The following CTNND2 variants were observed in gnomAD, a reference collection of about 807,000 sequenced individuals.
The protein encoded by CTNND2 is catenin delta 2.
CTNND2 carries 22 observed loss-of-function variants against 144.4 expected under a neutral mutation model. The observed-to-expected ratio is 0.15, with a 90% CI of 0.11 to 0.22. CTNND2 has a LOEUF of 0.22. Among genes scored for constraint, CTNND2 ranks in the 10% least tolerant of loss-of-function variants. CTNND2 has a pLI of 1.00. For synonymous variants in CTNND2, 751 were observed against 695.6 expected, an observed-to-expected ratio of 1.08 and a Z score of -1.25; for missense variants, 1,353 against 1,618.8, an observed-to-expected ratio of 0.84 and a Z score of 2.82.
At position 11,710,290 on chromosome 5, in the gene CTNND2, C is replaced by T. The variant is rs556913360; in HGVS notation, c.174+21846G>A. ...GGGTGCCGTGGCTCACATCTATAAT[C>T]CCAGCACTTTGGGAGGCTGAGGTGG... On this transcript the variant is annotated intron_variant, in intron 2 of 21. Transcript: ENST00000304623. 1.2e-4 allele frequency among the ~76,000 whole-genome samples: 19 copies of T among 152,286 alleles called. No homozygotes were observed. The East Asian group carries it at 3.5e-3, about 28-fold the overall frequency.
chr5:11,314,754 G>A (rs1191434370), intron 9 of CTNND2, among the ~76,000 whole-genome samples: 1 of 152,146 alleles, frequency 6.6e-6, no homozygotes, highest in Non-Finnish European at 1.5e-5. Context: ...CCTCAAAGCT[G>A]AGCAATGAGC....
At chr5:10,992,155 C>T (rs2149499450) in intron 19 of CTNND2, among the ~76,000 whole-genome samples, 1 of 152,262 alleles carries the variant, frequency 6.6e-6, no homozygotes, top group African/African-American at 2.4e-5. Context: ...CGAGCTCAGG[C>T]AATCCGCCTG....
intron 3 of CTNND2, 45 bp downstream of exon 3, chr5:11,564,899 A>T: frequency 7.7e-7 from 1 of 1,304,982 alleles, no homozygotes; most frequent in East Asian, 2.3e-5. Flanking sequence ...ATTTACTTGC[A>T]GGGGCAACTC....
chr5:11,002,817 GT>G (rs1219541804), intron 18 of CTNND2, among the ~76,000 whole-genome samples: 1 of 152,126 alleles, frequency 6.6e-6, no homozygotes, highest in Non-Finnish European at 1.5e-5. Flanking sequence ...TCCAAAGAGA[GT>G]TTTGGAAACT....
At chr5:11,273,935 A>G (rs185197893) in intron 9 of CTNND2, among the ~76,000 whole-genome samples, 55 of 152,298 alleles carry the variant, frequency 3.6e-4, no homozygotes, top group Admixed American at 8.5e-4. Flanking sequence ...GAAAAACACA[A>G]TTTGAATGAA....
chr5:11,473,319 C>A (rs2149959495), intron 3 of CTNND2, among the ~76,000 whole-genome samples: 1 of 152,222 alleles, frequency 6.6e-6, no homozygotes, highest in South Asian at 2.1e-4. Context: ...GTGTGGCTGG[C>A]AGTATCTTCT....
chr5:11,198,830 T>C (rs1342605591), intron 11 of CTNND2, among the ~76,000 whole-genome samples: 4 of 152,244 alleles, frequency 2.6e-5, no homozygotes, highest in East Asian at 3.8e-4. Flanking sequence ...TGTGTTTACA[T>C]GTATTCCATA....
intron 2 of CTNND2, among the ~76,000 whole-genome samples, chr5:11,616,753 T>A (rs747683052): frequency 4.6e-5 from 7 of 152,046 alleles, no homozygotes; most frequent in Non-Finnish European, 1.0e-4. Context: ...ATTACAGGCA[T>A]GTGCTACCAC....
At chr5:11,579,497 A>G (rs1018367853) in intron 2 of CTNND2, among the ~76,000 whole-genome samples, 1 of 152,180 alleles carries the variant, frequency 6.6e-6, no homozygotes, top group African/African-American at 2.4e-5. Flanking sequence ...AGCTAATATC[A>G]TTATGTGAGA....
chr5:11,645,110 C>T (rs915118383), intron 2 of CTNND2, among the ~76,000 whole-genome samples: 1 of 152,038 alleles, frequency 6.6e-6, no homozygotes, highest in Non-Finnish European at 1.5e-5. Flanking sequence ...GGACTATAAG[C>T]GTGCACCACC....
chr5:11,671,902 C>T (rs940372558), intron 2 of CTNND2, among the ~76,000 whole-genome samples: 1 of 152,078 alleles, frequency 6.6e-6, no homozygotes, highest in African/African-American at 2.4e-5. Flanking sequence ...TGGTTTCTCC[C>T]CATGTTCGTG....
rs528010581 is a variant in CTNND2 at position 11,687,645 on chromosome 5, A to G, written c.174+44491T>C. The stretch of plus-strand genomic sequence containing the variant: ...TCCATACAGTACTTGGCTCACACAC[A>G]GATAATATCTGTAGGCCTCCTTTCC... On this transcript the variant is annotated intron_variant, in intron 2 of 21. Transcript: ENST00000304623. Among the ~76,000 whole-genome samples, 411 of 152,328 alleles carry G rather than the reference A, an allele frequency of 2.7e-3. 3 individuals are homozygous for G. Among genetic ancestry groups the G allele is most frequent in the African/African-American group, 9.5e-3 (394 of 41,576 alleles).
chr5:11,760,539 G>A (rs552050161), intron 1 of CTNND2, among the ~76,000 whole-genome samples: 11 of 152,154 alleles, frequency 7.2e-5, no homozygotes, highest in East Asian at 1.9e-4. Flanking sequence ...GAAAAATGCC[G>A]TGGTATTATA....
chr5:11,766,423 T>G (rs4591744), intron 1 of CTNND2, among the ~76,000 whole-genome samples: 150,212 of 152,256 alleles, frequency 0.99, 74,131 homozygotes, highest in Middle Eastern at 1. Context: ...TGCTGTTCTC[T>G]TGAATGAATA....
At chr5:11,435,655 G>C (rs10075848) in intron 3 of CTNND2, among the ~76,000 whole-genome samples, 12,050 of 152,170 alleles carry the variant, frequency 0.079, 528 homozygotes, top group South Asian at 0.11. Context: ...TATTCTATTT[G>C]ACTGAAGAAC....
chr5:11,662,290 TAGAC>T (rs1365081998), intron 2 of CTNND2, among the ~76,000 whole-genome samples: 1 of 143,438 alleles, frequency 7.0e-6, no homozygotes, highest in East Asian at 2.0e-4. Flanking sequence ...TATATATATA[TAGAC>T]AGAGAGAGAG....
At chr5:11,063,418 T>C (rs2149599264) in intron 16 of CTNND2, among the ~76,000 whole-genome samples, 1 of 152,264 alleles carries the variant, frequency 6.6e-6, no homozygotes, top group Middle Eastern at 3.4e-3. Flanking sequence ...ATAACTACAG[T>C]AATAATCTGT....
intron 2 of CTNND2, among the ~76,000 whole-genome samples, chr5:11,706,314 A>G (rs771298953): frequency 1.3e-5 from 2 of 152,180 alleles, no homozygotes; most frequent in Non-Finnish European, 1.5e-5. Context: ...AAAACTCTGA[A>G]ACCATTTCCA....
At chr5:11,833,034 T>C (rs982728653) in intron 1 of CTNND2, among the ~76,000 whole-genome samples, 2 of 152,306 alleles carry the variant, frequency 1.3e-5, no homozygotes, top group Admixed American at 1.3e-4. Context: ...AGAACCCTTA[T>C]ACCTGGAATC....
Sources: allele counts gnomAD v4.1 joint callset (sites outside exome capture counted in the v4.1 genomes callset), GRCh38; gene constraint gnomAD v4.1.1; transcripts MANE v1.5; gene names NCBI Gene and HGNC (gene_info 2026-07-23, HGNC 2026-07-21).